The following CEP112 variants were observed in gnomAD, a reference collection of about 807,000 sequenced individuals.
CEP112 encodes centrosomal protein 112, also known as centrosomal protein of 112 kDa.
In CEP112, 127 loss-of-function variants were observed where a neutral mutation model predicts 153.0. That is an observed-to-expected ratio of 0.83 (90% CI 0.72 to 0.96). The LOEUF is 0.96. CEP112 is among the 40% of genes least tolerant of loss of function. CEP112 has a pLI of 0.00. For synonymous variants in CEP112, 358 were observed against 374.4 expected, an observed-to-expected ratio of 0.96 and a Z score of 0.51; for missense variants, 1,089 against 1,101.2, an observed-to-expected ratio of 0.99 and a Z score of 0.16.
At chr17:65,892,733 T>C (rs1191215031) in intron 20 of CEP112, among the ~76,000 whole-genome samples, 1 of 152,118 alleles carries the variant, frequency 6.6e-6, no homozygotes, top group Non-Finnish European at 1.5e-5. Context: ...GGTGGATAAT[T>C]GAAGAGCAAA....
chr17:65,693,782 T>G (rs1178999764), intron 23 of CEP112, among the ~76,000 whole-genome samples: 1 of 152,144 alleles, frequency 6.6e-6, no homozygotes, highest in Non-Finnish European at 1.5e-5. Flanking sequence ...TGTTGAAATC[T>G]TAACCCCCAA....
intron 8 of CEP112, among the ~76,000 whole-genome samples, chr17:66,087,980 G>A (rs2068003323): frequency 1.3e-5 from 2 of 152,086 alleles, no homozygotes; most frequent in South Asian, 4.2e-4. Flanking sequence ...CTGGTACAAG[G>A]AAAAATCTCA....
intron 21 of CEP112, among the ~76,000 whole-genome samples, chr17:65,823,874 A>G (rs1001065339): frequency 6.6e-6 from 1 of 152,216 alleles, no homozygotes; most frequent in Admixed American, 6.5e-5. Flanking sequence ...GGTGCTCAAC[A>G]TTATTAGTCA....
chr17:65,832,592 A>G (rs1407228061), intron 21 of CEP112, among the ~76,000 whole-genome samples: 1 of 152,156 alleles, frequency 6.6e-6, no homozygotes, highest in East Asian at 1.9e-4. Flanking sequence ...CATACAAACT[A>G]GAACACCTAG....
At position 66,141,531 on chromosome 17, in the gene CEP112, T is replaced by A. The variant is rs973132461; in HGVS notation, c.471-8768A>T. On this transcript the variant is annotated intron_variant, in intron 4 of 26. Transcript: ENST00000535342. ...CTAGAACGTTTTCATCTTCTGTAGCTGAAATTTTATATGCATTGAACAGCA... is the reference window on the plus strand; with the variant it reads ...CTAGAACGTTTTCATCTTCTGTAGCAGAAATTTTATATGCATTGAACAGCA... Among the ~76,000 whole-genome samples the A allele has an allele frequency of 3.3e-5, 5 of 152,178 alleles. No homozygotes were observed. In the South Asian group the frequency reaches 1.0e-3, roughly 32 times the overall value.
At chr17:66,044,973 C>A in intron 12 of CEP112, among the ~76,000 whole-genome samples, 2 of 150,476 alleles carry the variant, frequency 1.3e-5, no homozygotes, top group South Asian at 2.1e-4. Context: ...TAAAAATAGA[C>A]AAAGGGGATG....
chr17:65,833,864 T>C (rs1414183933), intron 21 of CEP112, among the ~76,000 whole-genome samples: 1 of 152,170 alleles, frequency 6.6e-6, no homozygotes. Flanking sequence ...AATATTCATA[T>C]GAAACCAAAA....
At chr17:66,069,268 A>C (rs2146074031) in intron 9 of CEP112, among the ~76,000 whole-genome samples, 1 of 152,136 alleles carries the variant, frequency 6.6e-6, no homozygotes, top group South Asian at 2.1e-4. Flanking sequence ...AAAAAAACAC[A>C]TACATACATT....
At chr17:66,167,026 A>G (rs1026143469) in intron 4 of CEP112, among the ~76,000 whole-genome samples, 1 of 152,138 alleles carries the variant, frequency 6.6e-6, no homozygotes, top group Non-Finnish European at 1.5e-5. Flanking sequence ...GGCCTATTAC[A>G]TTGTTTAAAG....
chr17:65,745,580 C>T (rs1033073990), intron 22 of CEP112, among the ~76,000 whole-genome samples: 7 of 152,066 alleles, frequency 4.6e-5, no homozygotes, highest in African/African-American at 1.7e-4. Context: ...AAACAACTTA[C>T]TATTTCAATG....
intron 6 of CEP112, among the ~76,000 whole-genome samples, chr17:66,115,847 C>T (rs908085856): frequency 2.6e-5 from 4 of 152,204 alleles, no homozygotes; most frequent in East Asian, 1.9e-4. Flanking sequence ...GCTTTCTGTG[C>T]AGCAAACAGC....
intron 21 of CEP112, among the ~76,000 whole-genome samples, chr17:65,834,417 C>G (rs942262134): frequency 3.9e-5 from 6 of 152,084 alleles, no homozygotes; most frequent in Non-Finnish European, 8.8e-5. Context: ...AACACACAAC[C>G]TACAGAATGG....
chr17:65,880,546 G>C (rs867449842), intron 20 of CEP112, among the ~76,000 whole-genome samples: 1 of 152,140 alleles, frequency 6.6e-6, no homozygotes, highest in African/African-American at 2.4e-5. Flanking sequence ...AAAATGTGAT[G>C]ACTATTTACT....
At chr17:66,018,483 A>T (rs2064862640) in intron 16 of CEP112, among the ~76,000 whole-genome samples, 1 of 152,170 alleles carries the variant, frequency 6.6e-6, no homozygotes, top group Non-Finnish European at 1.5e-5. Flanking sequence ...ATAACTCCAC[A>T]ATGCTTCTTA....
intron 23 of CEP112, among the ~76,000 whole-genome samples, chr17:65,701,966 C>T (rs1228184071): frequency 6.8e-6 from 1 of 147,964 alleles, no homozygotes; most frequent in Non-Finnish European, 1.5e-5. Flanking sequence ...ACCTCTGCCT[C>T]CTGGCTTCAA....
chr17:65,940,358 A>AT lies in CEP112; in HGVS notation c.1873-12670dup, dbSNP rs1378957745. 7.2e-5 allele frequency among the ~76,000 whole-genome samples: 11 copies of AT among 152,200 alleles called. No homozygotes were observed. In the East Asian group the frequency reaches 1.9e-3, roughly 27 times the overall value. ...TCAAAAAACTAAAAATAGAACTACC[A>AT]TTTTTTCATCCAGCAGTCCCACTAC... On this transcript the variant is annotated intron_variant, in intron 18 of 26. Coordinates refer to ENST00000535342, the MANE Select transcript of CEP112 (RefSeq NM_001199165.4).
At chr17:65,838,416 A>G (rs1038104460) in intron 21 of CEP112, among the ~76,000 whole-genome samples, 6 of 152,206 alleles carry the variant, frequency 3.9e-5, no homozygotes, top group African/African-American at 1.2e-4. Flanking sequence ...GGATCAATGA[A>G]GAAATTCAAA....
chr17:66,132,755 T>C lies in CEP112; in HGVS notation c.479A>G (p.Gln160Arg). Residue 160 changes from glutamine (Q) to arginine (R), a missense_variant, in exon 5 of 27, where the codon CAG becomes CGG. By Grantham distance (43) the Gln-to-Arg change is conservative. Transcript: ENST00000535342. ...QSPTDVYSRE[Q>R]YTGKLRVRSH... ...TCTCACTCGGAGCTTCCCAGTGTAC[T>C]GTTCCCTGCTAAGAGACCAAAATAA... The C allele has an allele frequency of 6.2e-7, 1 of 1,612,206 alleles. No individual in the cohort carries two copies. The highest frequency in any genetic ancestry group is 8.5e-7 in the Non-Finnish European group (1 of 1,178,198).
intron 19 of CEP112, chr17:65,913,372 C>T (rs905657824): frequency 2.7e-6 from 1 of 374,636 alleles, no homozygotes; most frequent in Non-Finnish European, 3.7e-6. Flanking sequence ...AAAATAAGGA[C>T]ATATACAATC....
Sources: allele counts gnomAD v4.1 joint callset (sites outside exome capture counted in the v4.1 genomes callset), GRCh38; gene constraint gnomAD v4.1.1; transcripts MANE v1.5; gene names NCBI Gene and HGNC (gene_info 2026-07-23, HGNC 2026-07-21).